The following SAMMSON variants were observed in gnomAD, a reference collection of about 807,000 sequenced individuals.
SAMMSON encodes long intergenic non-protein coding RNA 1212.
rs115939282 is a variant in SAMMSON at position 70,341,534 on chromosome 3, G to A, written n.740-12641G>A. Among the ~76,000 whole-genome samples the A allele has an allele frequency of 2.0e-3, 302 of 152,144 alleles. 2 individuals are homozygous for A. Among genetic ancestry groups the A allele is most frequent in the African/African-American group, 6.7e-3 (277 of 41,498 alleles). On this transcript the variant is annotated intron_variant and non_coding_transcript_variant, in intron 7 of 9. Coordinates refer to ENST00000642114, the Ensembl canonical transcript of SAMMSON. The stretch of plus-strand genomic sequence containing the variant: ...CTTGACCACTGATGGTTTAAGATTG[G>A]GCAAGTGACAATGTTCTGGTTAATG...
chr3:70,180,500 T>C (rs1160665021), intron 4 of SAMMSON, among the ~76,000 whole-genome samples: 2 of 152,278 alleles, frequency 1.3e-5, no homozygotes, highest in East Asian at 3.9e-4. Context: ...GTATGCTTAA[T>C]ACTGAGGCCT....
At chr3:70,112,151 T>C (rs2067392350) in intron 4 of SAMMSON, among the ~76,000 whole-genome samples, 2 of 151,954 alleles carry the variant, frequency 1.3e-5, no homozygotes, top group South Asian at 4.1e-4. Context: ...AAATAAACTG[T>C]AGAACACCAA....
At chr3:70,378,159 A>G (rs1328060106) in intron 9 of SAMMSON, among the ~76,000 whole-genome samples, 2 of 151,246 alleles carry the variant, frequency 1.3e-5, no homozygotes, top group East Asian at 1.9e-4. Flanking sequence ...AGTTATATAT[A>G]TAAGTGTTTA....
At chr3:70,304,148 T>C (rs1343405372) in intron 7 of SAMMSON, among the ~76,000 whole-genome samples, 1 of 152,200 alleles carries the variant, frequency 6.6e-6, no homozygotes, top group Non-Finnish European at 1.5e-5. Context: ...TCTACACTCA[T>C]GGAATCCCAG....
chr3:70,414,485 G>T (rs116129404), intron 2 of SAMMSON, among the ~76,000 whole-genome samples: 1 of 152,112 alleles, frequency 6.6e-6, no homozygotes, highest in Non-Finnish European at 1.5e-5. Flanking sequence ...CCTGCACTTA[G>T]TAAGACTGTC....
intron 4 of SAMMSON, chr3:70,072,332 T>C (rs1383703968): frequency 1.3e-5 from 2 of 151,892 alleles, no homozygotes; most frequent in African/African-American, 4.8e-5. Flanking sequence ...GCTACCCGCT[T>C]GGCTTCTCGC....
chr3:70,139,285 C>T (rs988515061), intron 4 of SAMMSON, among the ~76,000 whole-genome samples: 6 of 152,130 alleles, frequency 3.9e-5, no homozygotes, highest in Non-Finnish European at 5.9e-5. Context: ...TATCCTCCCA[C>T]CTTGGCCTCC....
chr3:70,147,246 AATTG>A (rs1187725646), intron 4 of SAMMSON, among the ~76,000 whole-genome samples: 1 of 152,098 alleles, frequency 6.6e-6, no homozygotes, highest in Non-Finnish European at 1.5e-5. Flanking sequence ...ATTATTTCCT[AATTG>A]ATCTATAGAT....
At chr3:70,088,879 T>C (rs1177192055) in intron 4 of SAMMSON, among the ~76,000 whole-genome samples, 1 of 152,128 alleles carries the variant, frequency 6.6e-6, no homozygotes, top group African/African-American at 2.4e-5. Flanking sequence ...AGATCTCAGA[T>C]CAGAGTTATG....
intron 4 of SAMMSON, among the ~76,000 whole-genome samples, chr3:70,143,478 C>T (rs574820390): frequency 1.3e-5 from 2 of 152,182 alleles, no homozygotes; most frequent in African/African-American, 4.8e-5. Context: ...TTTCAGTTGT[C>T]TGGCCATCCC....
At chr3:70,242,956 A>G (rs1367837071) in intron 4 of SAMMSON, among the ~76,000 whole-genome samples, 1 of 152,178 alleles carries the variant, frequency 6.6e-6, no homozygotes, top group Non-Finnish European at 1.5e-5. Context: ...ACTTTAAAAA[A>G]ATTGCCCCAG....
At chr3:70,295,139 G>A (rs1230878895) in intron 7 of SAMMSON, among the ~76,000 whole-genome samples, 2 of 152,152 alleles carry the variant, frequency 1.3e-5, no homozygotes, top group African/African-American at 4.8e-5. Context: ...TCTGAGATGG[G>A]TGATGGAGTC....
chr3:70,252,407 C>T (rs1270697372), intron 6 of SAMMSON, among the ~76,000 whole-genome samples: 2 of 152,106 alleles, frequency 1.3e-5, no homozygotes, highest in African/African-American at 4.8e-5. Flanking sequence ...GGGAGTGGGT[C>T]TTAACTGAGG....
chr3:70,202,676 G>A (rs1047536633), intron 4 of SAMMSON, among the ~76,000 whole-genome samples: 2 of 152,070 alleles, frequency 1.3e-5, no homozygotes, highest in African/African-American at 4.8e-5. Flanking sequence ...TTTGCTGGGA[G>A]CAAAAAGCCA....
At position 70,386,326 on chromosome 3, in the gene SAMMSON, C is replaced by G. The variant is rs9850170; in HGVS notation, n.914-3248C>G. Among the ~76,000 whole-genome samples the G allele has an allele frequency of 7.1e-3, 1,087 of 152,118 alleles. 20 individuals carry two copies. Among genetic ancestry groups the G allele is most frequent in the African/African-American group, 0.025 (1,044 of 41,502 alleles). ...AGTTGGGTTAGAAACCACTATTATTCCCCATCTGGTTTACGAGAGACAGAA... is the reference window on the plus strand; with the variant it reads ...AGTTGGGTTAGAAACCACTATTATTGCCCATCTGGTTTACGAGAGACAGAA... On this transcript the variant is annotated intron_variant and non_coding_transcript_variant, in intron 9 of 9. Transcript: ENST00000642114.
intron 7 of SAMMSON, among the ~76,000 whole-genome samples, chr3:70,316,955 G>GT (rs1702498691): frequency 6.6e-6 from 1 of 152,056 alleles, no homozygotes; most frequent in African/African-American, 2.4e-5. Flanking sequence ...GAGAAATCGT[G>GT]TAAGGATAAA....
intron 7 of SAMMSON, among the ~76,000 whole-genome samples, chr3:70,297,347 G>T (rs1393949206): frequency 1.3e-5 from 2 of 152,038 alleles, no homozygotes; most frequent in African/African-American, 4.8e-5. Flanking sequence ...GCTTGCTCTA[G>T]ACCACAAAAA....
chr3:70,434,163 A>G (rs542099234), intron 2 of SAMMSON, among the ~76,000 whole-genome samples: 2 of 152,328 alleles, frequency 1.3e-5, no homozygotes, highest in African/African-American at 4.8e-5. Context: ...ATAGACACAA[A>G]ATAATTTGCT....
At chr3:70,226,845 T>C (rs1381016483) in intron 4 of SAMMSON, among the ~76,000 whole-genome samples, 2 of 151,544 alleles carry the variant, frequency 1.3e-5, no homozygotes, top group Admixed American at 6.6e-5. Flanking sequence ...AAAAAAATAG[T>C]GCTTAGCAGA....
Sources: gnomAD v4.1 joint callset for allele counts (sites outside exome capture counted in the v4.1 genomes callset) on GRCh38, gnomAD v4.1.1 for gene constraint, MANE v1.5 for transcripts, NCBI Gene and HGNC (gene_info 2026-07-23, HGNC 2026-07-21) for gene names.